Variants in SYT1 observed in about 807,000 individuals in gnomAD.
SYT1 encodes synaptotagmin 1.
In SYT1, 8 loss-of-function variants were observed where a neutral mutation model predicts 44.8. The observed-to-expected ratio is 0.18, with a 90% confidence interval of 0.10 to 0.32. The LOEUF (loss-of-function observed/expected upper bound fraction) is 0.32. Ranked by LOEUF, SYT1 falls within the 10% of genes least tolerant of loss-of-function variation. SYT1 has a pLI of 1.00. For missense variants in SYT1, 286 were observed against 509.3 expected (o/e 0.56, Z 4.22); for synonymous variants, 154 against 188.8 (o/e 0.82, Z 1.51).
chr12:79,212,141 G>T (rs950250307), intron 3 of SYT1, among the ~76,000 whole-genome samples: 6 of 151,920 alleles, frequency 3.9e-5, no homozygotes, highest in African/African-American at 1.5e-4. Context: ...AGTGGATAAA[G>T]AAAATGTGGC....
intron 3 of SYT1, among the ~76,000 whole-genome samples, chr12:79,187,253 C>T (rs1042821271): frequency 4.0e-5 from 6 of 151,846 alleles, no homozygotes; most frequent in Non-Finnish European, 5.9e-5. Flanking sequence ...AGAACTGCAC[C>T]CAAAATAGCT....
At chr12:78,937,112 G>GA (rs1878105066) in intron 1 of SYT1, among the ~76,000 whole-genome samples, 1 of 152,084 alleles carries the variant, frequency 6.6e-6, no homozygotes, top group African/African-American at 2.4e-5. Context: ...AATGCTCTAA[G>GA]AAAAAAGAGA....
intron 3 of SYT1, among the ~76,000 whole-genome samples, chr12:79,159,562 ACT>A (rs2138299412): frequency 6.6e-6 from 1 of 152,210 alleles, no homozygotes; most frequent in South Asian, 2.1e-4. Flanking sequence ...AATTGTTGTT[ACT>A]CTCTCACTGT....
intron 2 of SYT1, among the ~76,000 whole-genome samples, chr12:79,007,526 T>C (rs1243138010): frequency 6.6e-6 from 1 of 152,148 alleles, no homozygotes; most frequent in African/African-American, 2.4e-5. Flanking sequence ...GTAATAACAG[T>C]ACTGCAGGAA....
intron 9 of SYT1, among the ~76,000 whole-genome samples, chr12:79,434,997 T>C (rs755626053): frequency 5.3e-5 from 8 of 152,096 alleles, no homozygotes; most frequent in Non-Finnish European, 1.0e-4. Context: ...TCAACCTAGC[T>C]CATCACATTC....
Position 79,021,902 on chromosome 12 carries a change from T to A in SYT1, c.-83-25395T>A, listed in dbSNP as rs749609763. On this transcript the variant is annotated intron_variant, in intron 2 of 10. Transcript: ENST00000261205. ...TATTTTTTATATTTGTACGCCCCCT[T>A]TTTTTTGAAAGCATCTTCAAATCTA... Among the ~76,000 whole-genome samples, 19 of 151,574 alleles carry A rather than the reference T, an allele frequency of 1.3e-4. 1 individual carries two copies. Among genetic ancestry groups the A allele is most frequent in the Non-Finnish European group, 2.5e-4 (17 of 67,808 alleles).
At chr12:79,402,716 A>AG (rs1409416694) in intron 9 of SYT1, among the ~76,000 whole-genome samples, 1 of 152,208 alleles carries the variant, frequency 6.6e-6, no homozygotes, top group Non-Finnish European at 1.5e-5. Context: ...TGTGTGAGGC[A>AG]GGGCTTAGGG....
At position 79,033,414 on chromosome 12, in the gene SYT1, C is replaced by T. The variant is rs147793214; in HGVS notation, c.-83-13883C>T. ...ATTTCTCTCAAATATAATTACATTA[C>T]TTTAAAAACATCTTTGAATTCTCCT... On this transcript the variant is annotated intron_variant, in intron 2 of 10. Transcript: ENST00000261205. 1.9e-4 allele frequency among the ~76,000 whole-genome samples: 29 copies of T among 151,522 alleles called. No homozygotes were observed. The East Asian group carries it at 5.6e-3, about 29-fold the overall frequency.
chr12:78,954,725 G>A (rs532845762), intron 1 of SYT1, among the ~76,000 whole-genome samples: 44 of 151,712 alleles, frequency 2.9e-4, no homozygotes, highest in African/African-American at 9.2e-4. Context: ...AGCACATGAG[G>A]GAAAAATAAA....
chr12:79,179,837 A>C (rs1172901562), intron 3 of SYT1, among the ~76,000 whole-genome samples: 1 of 152,074 alleles, frequency 6.6e-6, no homozygotes, highest in Non-Finnish European at 1.5e-5. Flanking sequence ...GTCTCACTTA[A>C]CAATGTATAT....
At chr12:79,118,344 A>G (rs901862520) in intron 3 of SYT1, among the ~76,000 whole-genome samples, 6 of 152,130 alleles carry the variant, frequency 3.9e-5, no homozygotes, top group East Asian at 1.9e-4. Context: ...AGGTTTTTCA[A>G]AGTTTGGGTT....
intron 3 of SYT1, among the ~76,000 whole-genome samples, chr12:79,051,742 AGAT>A (rs1874509236): frequency 6.6e-6 from 1 of 152,014 alleles, no homozygotes; most frequent in African/African-American, 2.4e-5. Context: ...AAGTATATGA[AGAT>A]CTCTATAGTG....
At chr12:79,446,034 T>TACATATATATATATATG (rs1491131045) in intron 10 of SYT1, among the ~76,000 whole-genome samples, 3 of 115,560 alleles carry the variant, frequency 2.6e-5, no homozygotes, top group South Asian at 2.7e-4. Flanking sequence ...TATATATATA[T>TACATATATATATATATG]TATGCCTAGG....
intron 3 of SYT1, among the ~76,000 whole-genome samples, chr12:79,166,920 G>A (rs1445983719): frequency 6.6e-6 from 1 of 152,006 alleles, no homozygotes; most frequent in South Asian, 2.1e-4. Context: ...CATGTAAAAC[G>A]AGGATATAAT....
chr12:78,973,938 A>AAT (rs869290804), intron 1 of SYT1, among the ~76,000 whole-genome samples: 19 of 25,334 alleles, frequency 7.5e-4, no homozygotes, highest in Admixed American at 1.5e-3. Context: ...AAAAAAAAAA[A>AAT]ATATATATAT....
At chr12:79,113,861 G>T (rs2138101569) in intron 3 of SYT1, among the ~76,000 whole-genome samples, 1 of 152,194 alleles carries the variant, frequency 6.6e-6, no homozygotes, top group South Asian at 2.1e-4. Context: ...GTGTTTACAG[G>T]ATTTTCATAG....
intron 1 of SYT1, among the ~76,000 whole-genome samples, chr12:78,946,115 T>A (rs1878641912): frequency 6.6e-6 from 1 of 152,190 alleles, no homozygotes; most frequent in Non-Finnish European, 1.5e-5. Flanking sequence ...ATTAGAGAAT[T>A]CTTAAATAAA....
intron 9 of SYT1, among the ~76,000 whole-genome samples, chr12:79,356,955 GA>G (rs959491927): frequency 1.3e-5 from 2 of 152,000 alleles, no homozygotes; most frequent in East Asian, 1.9e-4. Context: ...CTTCAATGGG[GA>G]AAAAAAGTTT....
intron 3 of SYT1, among the ~76,000 whole-genome samples, chr12:79,188,875 CCT>C (rs1304290260): frequency 4.6e-5 from 7 of 151,980 alleles, no homozygotes. Flanking sequence ...TTTTTCAAGT[CCT>C]TGAAAATGCA....
Sources: gnomAD v4.1 joint callset for allele counts (sites outside exome capture counted in the v4.1 genomes callset) on GRCh38, gnomAD v4.1.1 for gene constraint, MANE v1.5 for transcripts, NCBI Gene and HGNC (gene_info 2026-07-23, HGNC 2026-07-21) for gene names.